Variants in LRMDA observed in about 807,000 individuals in gnomAD.
The protein encoded by LRMDA is leucine-rich melanocyte differentiation-associated protein.
Under a neutral mutation model 29.8 loss-of-function variants are expected in LRMDA, and 18 were observed. The observed-to-expected ratio is 0.60, with a 90% CI of 0.42 to 0.90. The LOEUF is 0.90. Ranked by LOEUF, LRMDA falls within the 40% of genes least tolerant of loss-of-function variation. The pLI, the probability that LRMDA is intolerant of heterozygous loss-of-function variation, is 0.00. For missense variants in LRMDA, 273 were observed against 273.9 expected (o/e 1.00, Z 0.02); for synonymous variants, 125 against 109.4 (o/e 1.14, Z -0.89).
intron 5 of LRMDA, among the ~76,000 whole-genome samples, chr10:76,196,491 A>G (rs933003561): frequency 2.0e-5 from 3 of 152,132 alleles, no homozygotes; most frequent in African/African-American, 7.2e-5. Context: ...AAAGAGTCCA[A>G]ATCTGCTCCT....
chr10:75,689,037 A>C (rs994924429), intron 2 of LRMDA, among the ~76,000 whole-genome samples: 2 of 152,170 alleles, frequency 1.3e-5, no homozygotes, highest in Admixed American at 6.5e-5. Context: ...GAAACAAAAA[A>C]AAAACCCAAT....
chr10:76,116,182 A>C (rs1260977142), intron 5 of LRMDA, among the ~76,000 whole-genome samples: 1 of 152,198 alleles, frequency 6.6e-6, no homozygotes, highest in African/African-American at 2.4e-5. Flanking sequence ...TGGGGGATTA[A>C]GTATGTATCA....
At chr10:76,204,871 G>A (rs1166490426) in intron 5 of LRMDA, among the ~76,000 whole-genome samples, 1 of 152,216 alleles carries the variant, frequency 6.6e-6, no homozygotes, top group Non-Finnish European at 1.5e-5. Flanking sequence ...GTGGCTAGAA[G>A]AATGATGAAC....
rs879809683 is a variant in LRMDA, at chr10:76,034,877, A to G, written c.132-1131A>G. 1.0e-3 allele frequency among the ~76,000 whole-genome samples: 157 copies of G among 152,032 alleles called. 1 individual carries two copies. The highest frequency in any genetic ancestry group is 3.6e-3 in the African/African-American group (149 of 41,474). On this transcript the variant is annotated intron_variant, in intron 2 of 6. Coordinates refer to ENST00000611255, the MANE Select transcript of LRMDA (RefSeq NM_001305581.2). ...CTGTCAGCCGGTGCAGGCTCAGCACATCTCCTGGGTCTGGCAGGTGAACGA... is the reference window on the plus strand; with the variant it reads ...CTGTCAGCCGGTGCAGGCTCAGCACGTCTCCTGGGTCTGGCAGGTGAACGA...
At position 75,616,286 on chromosome 10, in the gene LRMDA, A is replaced by C. The variant is rs142139773; in HGVS notation, c.131+177792A>C. 2.9e-3 allele frequency among the ~76,000 whole-genome samples: 441 copies of C among 152,278 alleles called. 4 individuals carry two copies. Among genetic ancestry groups the C allele is most frequent in the African/African-American group, 1.0e-2 (415 of 41,546 alleles). On this transcript the variant is annotated intron_variant, in intron 2 of 6. Coordinates refer to ENST00000611255, the MANE Select transcript of LRMDA (RefSeq NM_001305581.2). ...CAGCAGCAGCAGCAGCAGCAGCAGT[A>C]GTAGTAGTAGTGGTGGTGGTGGTGT...
intron 2 of LRMDA, among the ~76,000 whole-genome samples, chr10:75,458,258 GTTTATC>G (rs1844543552): frequency 6.6e-6 from 1 of 152,108 alleles, no homozygotes; most frequent in African/African-American, 2.4e-5. Context: ...CTTTGAGCAG[GTTTATC>G]TTTAAGATTA....
intron 2 of LRMDA, among the ~76,000 whole-genome samples, chr10:75,835,448 C>T (rs1257607083): frequency 6.6e-6 from 1 of 152,196 alleles, no homozygotes; most frequent in African/African-American, 2.4e-5. Context: ...AGAATTTTAA[C>T]TCAATCACAT....
chr10:75,984,225 G>A (rs1345988597), intron 2 of LRMDA, among the ~76,000 whole-genome samples: 1 of 148,096 alleles, frequency 6.8e-6, no homozygotes, highest in African/African-American at 2.7e-5. Flanking sequence ...GGAGAAAGCT[G>A]CCCTGGGTCC....
chr10:75,847,076 G>A (rs1844651544), intron 2 of LRMDA, among the ~76,000 whole-genome samples: 2 of 152,140 alleles, frequency 1.3e-5, no homozygotes, highest in South Asian at 4.2e-4. Context: ...GAATAAAGTT[G>A]GAGGCCTCAT....
At chr10:75,764,928 C>T (rs1007494781) in intron 2 of LRMDA, among the ~76,000 whole-genome samples, 5 of 142,772 alleles carry the variant, frequency 3.5e-5, no homozygotes, top group African/African-American at 5.2e-5. Flanking sequence ...GCAAGAGACA[C>T]GTGTGTGTGT....
At chr10:76,083,295 C>G (rs1449940493) in intron 5 of LRMDA, among the ~76,000 whole-genome samples, 1 of 152,162 alleles carries the variant, frequency 6.6e-6, no homozygotes, top group Non-Finnish European at 1.5e-5. Flanking sequence ...CCAGTCAAGA[C>G]AGCCAGTCCT....
At chr10:75,479,030 G>A (rs1275175606) in intron 2 of LRMDA, among the ~76,000 whole-genome samples, 2 of 152,178 alleles carry the variant, frequency 1.3e-5, no homozygotes, top group African/African-American at 4.8e-5. Context: ...CTTGCCTTCA[G>A]GGATCTCCTT....
chr10:76,474,985 TAAATA>T (rs1842652354), intron 6 of LRMDA, among the ~76,000 whole-genome samples: 1 of 151,754 alleles, frequency 6.6e-6, no homozygotes, highest in Admixed American at 6.6e-5. Flanking sequence ...GATGAGTGCA[TAAATA>T]AAATGCAGTA....
intron 2 of LRMDA, among the ~76,000 whole-genome samples, chr10:75,481,597 C>T (rs1413270781): frequency 1.3e-5 from 2 of 152,214 alleles, no homozygotes; most frequent in African/African-American, 4.8e-5. Flanking sequence ...GCAGTAACCT[C>T]TTAAGAGGTC....
intron 5 of LRMDA, among the ~76,000 whole-genome samples, chr10:76,291,932 G>GCACACA (rs34113053): frequency 1.3e-3 from 199 of 148,582 alleles, no homozygotes; most frequent in African/African-American, 4.4e-3. Context: ...ACACACACGT[G>GCACACA]CACACACACA....
At chr10:75,985,780 G>A (rs923557994) in intron 2 of LRMDA, among the ~76,000 whole-genome samples, 9 of 152,196 alleles carry the variant, frequency 5.9e-5, no homozygotes, top group Admixed American at 5.9e-4. Flanking sequence ...ACTTGTACAG[G>A]AGGATGTGAA....
intron 6 of LRMDA, among the ~76,000 whole-genome samples, chr10:76,405,540 A>G (rs1386221720): frequency 2.0e-5 from 3 of 152,154 alleles, no homozygotes. Context: ...CCAAGTAGAC[A>G]GTTCTCGCCT....
intron 2 of LRMDA, among the ~76,000 whole-genome samples, chr10:76,017,765 C>A (rs1043637580): frequency 5.9e-5 from 9 of 152,130 alleles, no homozygotes; most frequent in Admixed American, 5.2e-4. Context: ...GAGGGACAGC[C>A]CATTTGGCAT....
intron 4 of LRMDA, among the ~76,000 whole-genome samples, chr10:76,056,125 C>T (rs2132051684): frequency 6.6e-6 from 1 of 152,334 alleles, no homozygotes; most frequent in East Asian, 1.9e-4. Context: ...AAGTGGGTAG[C>T]TCCTTTCTGC....
Sources: gnomAD v4.1 joint callset for allele counts (sites outside exome capture counted in the v4.1 genomes callset) on GRCh38, gnomAD v4.1.1 for gene constraint, MANE v1.5 for transcripts, NCBI Gene and HGNC (gene_info 2026-07-23, HGNC 2026-07-21) for gene names.